The following ITIH6 variants were observed in gnomAD, a reference collection of about 807,000 sequenced individuals.
The protein encoded by ITIH6 is inter-alpha-trypsin inhibitor heavy chain H6.
ITIH6 carries 60 observed loss-of-function variants against 58.2 expected under a neutral mutation model. The observed-to-expected ratio is 1.03, with a 90% CI of 0.84 to 1.28. The LOEUF (loss-of-function observed/expected upper bound fraction) is 1.28. ITIH6 is among the 50% of genes most tolerant of loss of function. The pLI is 0.00. For missense variants in ITIH6, 1,290 were observed against 1,021.1 expected (o/e 1.26, Z -3.59); for synonymous variants, 493 against 417.4 (o/e 1.18, Z -2.21).
chrX:54,779,736 A>T (rs1176401633), intron 5 of ITIH6, among the ~76,000 whole-genome samples: 9 of 110,934 alleles, frequency 8.1e-5, no homozygotes, highest in African/African-American at 2.9e-4. Context: ...TCCAATCAAA[A>T]GACATAGAGT....
At chrX:54,778,882 A>G (rs1199760534) in intron 5 of ITIH6, among the ~76,000 whole-genome samples, 2 of 109,381 alleles carry the variant, frequency 1.8e-5, no homozygotes, top group Non-Finnish European at 3.8e-5. Flanking sequence ...GGATCCTAAA[A>G]GCAGCAAGAG....
intron 6 of ITIH6, among the ~76,000 whole-genome samples, chrX:54,761,008 G>T (rs760957797): frequency 9.0e-6 from 1 of 111,596 alleles, no homozygotes; most frequent in South Asian, 3.7e-4. Context: ...CTGAGGAATC[G>T]CCACACTGTC....
intron 8 of ITIH6, among the ~76,000 whole-genome samples, chrX:54,756,519 A>G: frequency 9.0e-6 from 1 of 111,648 alleles, no homozygotes; most frequent in African/African-American, 3.3e-5. Context: ...TTTGGAAATT[A>G]AAGATAATTT....
At position 54,749,942 on chromosome X, in the gene ITIH6, G is replaced by A. The variant is rs1928317977; in HGVS notation, c.3895C>T (p.His1299Tyr). The stretch of plus-strand genomic sequence containing the variant: ...GGGTGGCCCAGAAGCAGCTCTACAT[G>A]AGAGCGCTTCACCAGCCAGCAGGAA... ...WASCWLVKRS[H>Y]VELLLGHPYL... Residue 1299 changes from histidine to tyrosine, a missense_variant, in exon 13 of 13, where the codon CAT becomes TAT. Transcript: ENST00000218436. 8 of 1,211,418 alleles carry A rather than the reference G, an allele frequency of 6.6e-6. No individual in the cohort carries two copies. In the African/African-American group the frequency reaches 1.0e-4, roughly 16 times the overall value.
At chrX:54,782,698 A>T (rs1929170294) in intron 5 of ITIH6, among the ~76,000 whole-genome samples, 1 of 111,946 alleles carries the variant, frequency 8.9e-6, no homozygotes, top group African/African-American at 3.2e-5. Flanking sequence ...AGCCATGATA[A>T]AAAAATCTCC....
chrX:54,755,238 G>T (rs769138898), intron 8 of ITIH6, 129 bp from the exon 9 acceptor site: 1 of 483,896 alleles, frequency 2.1e-6, no homozygotes, highest in African/African-American at 2.4e-5. Context: ...GGGACCTTAT[G>T]CTCTCCACAG....
chrX:54,784,109 G>T (rs947949540), intron 5 of ITIH6, among the ~76,000 whole-genome samples: 1 of 111,671 alleles, frequency 9.0e-6, no homozygotes, highest in Non-Finnish European at 1.9e-5. Context: ...CTCAATAAAT[G>T]GTGCTGGGAA....
intron 6 of ITIH6, among the ~76,000 whole-genome samples, chrX:54,765,321 A>G (rs756673334): frequency 0.045 from 3,187 of 70,108 alleles, 271 homozygotes; most frequent in African/African-American, 0.17. Context: ...TGTTTTGGAC[A>G]TGAAGTCCTT....
At chrX:54,784,670 T>C (rs1392092184) in intron 5 of ITIH6, among the ~76,000 whole-genome samples, 1 of 111,537 alleles carries the variant, frequency 9.0e-6, no homozygotes, top group Non-Finnish European at 1.9e-5. Flanking sequence ...TAAAATGGCT[T>C]CTATCCCAGA....
intron 6 of ITIH6, among the ~76,000 whole-genome samples, chrX:54,765,315 T>C (rs1279997376): frequency 8.5e-5 from 6 of 70,675 alleles, no homozygotes; most frequent in African/African-American, 1.1e-4. Context: ...TTTTGGTGTT[T>C]TGGACATGAA....
Position 54,757,302 on chromosome X carries a change from T to C in ITIH6, c.2772A>G (p.Gly924=). 8.4e-7 allele frequency: 1 copy of C among 1,195,964 alleles called. No homozygotes were observed. The highest frequency in any genetic ancestry group is 1.1e-6 in the Non-Finnish European group (1 of 887,337). Residue 924 remains glycine, a synonymous_variant, in exon 8 of 13, where the codon GGA becomes GGG. Coordinates refer to ENST00000218436, the MANE Select transcript of ITIH6 (RefSeq NM_198510.3). ...PSSTTTTSVL[G]EPLPMPFTPT... ...GAGTAAAGGGCATGGGGAGGGGTTC[T>C]CCAAGGACAGAGGTGGTTGTGGTAC... is the stretch of plus-strand genomic sequence containing the variant.
chrX:54,764,923 T>C (rs1179630674), intron 6 of ITIH6, among the ~76,000 whole-genome samples: 1 of 96,826 alleles, frequency 1.0e-5, no homozygotes, highest in Non-Finnish European at 2.1e-5. Flanking sequence ...CAGCACCTGT[T>C]GTTTCCTGAC....
chrX:54,759,785 T>C lies in ITIH6; in HGVS notation c.1046A>G (p.Asp349Gly). ...ATCGGCTTCCATGCAATGCAGGTAG[T>C]CCTTGGCACTGTGGACATTCTGGAT... ...ATIQNVHSAK[D>G]YLHCMEADGW... The change falls in exon 7 of 13, where the codon GAC becomes GGC. Residue 349 changes from aspartate to glycine, a missense_variant. Physicochemically the swap from Asp to Gly is moderately conservative, Grantham distance 94 (BLOSUM62 -1). Transcript: ENST00000218436. The C allele has an allele frequency of 8.3e-7, 1 of 1,210,526 alleles. No homozygotes were observed. The highest frequency in any genetic ancestry group is 1.1e-6 in the Non-Finnish European group (1 of 894,850).
At chrX:54,781,003 A>G (rs182917928) in intron 5 of ITIH6, among the ~76,000 whole-genome samples, 172 of 111,831 alleles carry the variant, frequency 1.5e-3, no homozygotes, top group Middle Eastern at 0.014. Context: ...AGAGTTTCCT[A>G]TTCAGTAAAT....
At chrX:54,790,534 T>C (rs926302373) in intron 4 of ITIH6, among the ~76,000 whole-genome samples, 4 of 111,632 alleles carry the variant, frequency 3.6e-5, no homozygotes, top group Admixed American at 2.8e-4. Flanking sequence ...ATGGTTAACA[T>C]ATGATTTAAT....
intron 6 of ITIH6, among the ~76,000 whole-genome samples, chrX:54,773,649 T>G (rs770070913): frequency 4.8e-4 from 53 of 109,813 alleles, no homozygotes; most frequent in Non-Finnish European, 9.9e-4. Flanking sequence ...CTCTATGGTT[T>G]CTAATTCTAT....
At position 54,756,988 on chromosome X, in the gene ITIH6, G is replaced by C; in HGVS notation, c.3086C>G (p.Thr1029Ser). Residue 1029 changes from threonine (T) to serine (S), a missense_variant, in exon 8 of 13, where the codon ACC becomes AGC. Thr to Ser is a moderately conservative substitution (Grantham distance 58). Coordinates refer to ENST00000218436, the MANE Select transcript of ITIH6 (RefSeq NM_198510.3). Reference sequence around the variant, plus strand: ...ACCATCTTCATCAGGAGTGAGGAAGGTATAGAAAGCTGGTGGGTTCAAGGA... The same window carrying C: ...ACCATCTTCATCAGGAGTGAGGAAGCTATAGAAAGCTGGTGGGTTCAAGGA... ...VESLNPPAFY[T>S]FLTPDEDGSP... 8.4e-7 allele frequency: 1 copy of C among 1,194,376 alleles called. No homozygotes were observed. Among genetic ancestry groups the C allele is most frequent in the South Asian group, 1.8e-5 (1 of 54,300 alleles).
intron 5 of ITIH6, among the ~76,000 whole-genome samples, chrX:54,782,020 G>A (rs762785246): frequency 1.3e-4 from 15 of 111,652 alleles, no homozygotes; most frequent in Non-Finnish European, 2.6e-4. Flanking sequence ...TTATGAGTGG[G>A]AGCTAAATAA....
At chrX:54,773,428 G>T (rs1174433531) in intron 6 of ITIH6, among the ~76,000 whole-genome samples, 1 of 111,150 alleles carries the variant, frequency 9.0e-6, no homozygotes, top group East Asian at 2.8e-4. Context: ...GGTCCCAAAG[G>T]CTCTGTGATT....
Sources: allele counts gnomAD v4.1 joint callset (sites outside exome capture counted in the v4.1 genomes callset), GRCh38; gene constraint gnomAD v4.1.1; transcripts MANE v1.5; gene names NCBI Gene and HGNC (gene_info 2026-07-23, HGNC 2026-07-21).